Variants in KLHL1 observed in about 807,000 individuals in gnomAD.
The protein encoded by KLHL1 is kelch like family member 1, also known as kelch-like protein 1.
KLHL1 carries 47 observed loss-of-function variants against 77.7 expected under a neutral mutation model. The observed-to-expected ratio is 0.60, with a 90% CI of 0.48 to 0.77. The LOEUF is 0.77. Among genes scored for constraint, KLHL1 ranks in the 30% least tolerant of loss-of-function variants. The pLI, the probability that KLHL1 is intolerant of heterozygous loss-of-function variation, is 0.00. For missense variants in KLHL1, 925 were observed against 910.8 expected (o/e 1.02, Z -0.20); for synonymous variants, 360 against 325.2 (o/e 1.11, Z -1.15).
intron 1 of KLHL1, among the ~76,000 whole-genome samples, chr13:70,049,408 A>G (rs975779417): frequency 6.6e-6 from 1 of 152,186 alleles, no homozygotes; most frequent in Admixed American, 6.5e-5. Flanking sequence ...GAGATTTCAG[A>G]GTTCTTCTCA....
chr13:70,098,351 T>C (rs1887842899), intron 1 of KLHL1, among the ~76,000 whole-genome samples: 1 of 151,880 alleles, frequency 6.6e-6, no homozygotes, highest in African/African-American at 2.4e-5. Context: ...ATTCCATAAA[T>C]GTTCCCTGTG....
intron 10 of KLHL1, among the ~76,000 whole-genome samples, chr13:69,703,489 TAAAG>T (rs963921102): frequency 4.8e-4 from 72 of 151,462 alleles, no homozygotes; most frequent in African/African-American, 1.7e-3. Flanking sequence ...AATTTATTAT[TAAAG>T]AAAGAAAAAT....
At chr13:69,717,758 TAG>T (rs1566356435) in intron 9 of KLHL1, among the ~76,000 whole-genome samples, 1 of 151,618 alleles carries the variant, frequency 6.6e-6, no homozygotes, top group Admixed American at 6.6e-5. Flanking sequence ...GTCAGTCTAT[TAG>T]CAGCATTTTT....
chr13:69,747,775 T>G lies in KLHL1; in HGVS notation c.1640-7219A>C, dbSNP rs1210184073. On this transcript the variant is annotated intron_variant, in intron 7 of 10. Transcript: ENST00000377844. The stretch of plus-strand genomic sequence containing the variant: ...TAAGAACATTAGGAATTGAGAAGTC[T>G]TATATATTGCTGATGAATTGAAACT... Among the ~76,000 whole-genome samples the G allele has an allele frequency of 3.3e-5, 5 of 152,112 alleles. No homozygotes were observed. In the East Asian group the frequency reaches 9.7e-4, roughly 29 times the overall value.
At chr13:69,939,615 A>G (rs1210523556) in intron 4 of KLHL1, among the ~76,000 whole-genome samples, 2 of 152,008 alleles carry the variant, frequency 1.3e-5, no homozygotes, top group Middle Eastern at 3.4e-3. Context: ...ATATCTATCA[A>G]TATGTATATC....
At chr13:70,013,329 G>A (rs1305666705) in intron 1 of KLHL1, among the ~76,000 whole-genome samples, 2 of 152,106 alleles carry the variant, frequency 1.3e-5, no homozygotes, top group African/African-American at 4.8e-5. Context: ...AAATACCAAT[G>A]GTAATGATAT....
intron 4 of KLHL1, among the ~76,000 whole-genome samples, chr13:69,891,870 A>C (rs750240739): frequency 1.3e-5 from 2 of 152,134 alleles, no homozygotes; most frequent in South Asian, 4.1e-4. Context: ...ATGTAGGAGA[A>C]AGGAGCCTAT....
intron 8 of KLHL1, among the ~76,000 whole-genome samples, chr13:69,729,983 A>C (rs1405512688): frequency 6.6e-6 from 1 of 152,172 alleles, no homozygotes; most frequent in Non-Finnish European, 1.5e-5. Flanking sequence ...CAAAAAATAC[A>C]AGTACAGGAA....
intron 3 of KLHL1, among the ~76,000 whole-genome samples, chr13:69,955,635 T>G (rs1883842534): frequency 6.6e-6 from 1 of 151,040 alleles, no homozygotes; most frequent in Admixed American, 6.6e-5. Context: ...TAGTAGAGAC[T>G]ATGTAAGAGA....
chr13:69,926,099 C>A (rs572666336), intron 4 of KLHL1, among the ~76,000 whole-genome samples: 2 of 152,218 alleles, frequency 1.3e-5, no homozygotes, highest in Middle Eastern at 6.8e-3. Flanking sequence ...TCCCAATAAA[C>A]GTTTCTAGTT....
At chr13:69,746,415 T>C (rs569566652) in intron 7 of KLHL1, among the ~76,000 whole-genome samples, 1 of 151,994 alleles carries the variant, frequency 6.6e-6, no homozygotes, top group Non-Finnish European at 1.5e-5. Flanking sequence ...CTCTAAAGTC[T>C]AATTAATTTA....
chr13:69,795,780 T>C (rs1210016211), intron 7 of KLHL1, among the ~76,000 whole-genome samples: 2 of 152,178 alleles, frequency 1.3e-5, no homozygotes, highest in African/African-American at 4.8e-5. Context: ...TATAGTTCTC[T>C]CTAGTTCCTG....
intron 4 of KLHL1, among the ~76,000 whole-genome samples, chr13:69,887,012 GA>G (rs1172806158): frequency 1.3e-5 from 2 of 151,800 alleles, no homozygotes; most frequent in African/African-American, 2.4e-5. Flanking sequence ...CCAAGCACCT[GA>G]AAAAAAATGG....
At chr13:70,048,870 C>T (rs1274676195) in intron 1 of KLHL1, among the ~76,000 whole-genome samples, 1 of 152,254 alleles carries the variant, frequency 6.6e-6, no homozygotes, top group African/African-American at 2.4e-5. Context: ...GGGACCCCTG[C>T]TATAAACAAT....
At chr13:69,953,318 T>C (rs970773700) in intron 3 of KLHL1, among the ~76,000 whole-genome samples, 1 of 151,210 alleles carries the variant, frequency 6.6e-6, no homozygotes, top group Non-Finnish European at 1.5e-5. Flanking sequence ...GAAAAAAATA[T>C]ATGATGCCAG....
In KLHL1 at chr13:69,961,578, A is replaced by G; in HGVS notation, c.681-134T>C. Reference sequence around the variant, plus strand: ...AATGCATTTTATTTATTGCCTCATGAGTTGTACTTTACAAAACTGATTCAA... The same window carrying G: ...AATGCATTTTATTTATTGCCTCATGGGTTGTACTTTACAAAACTGATTCAA... On this transcript the variant is annotated intron_variant, in intron 2 of 10. Coordinates refer to ENST00000377844, the MANE Select transcript of KLHL1 (RefSeq NM_020866.3). 3.3e-6 allele frequency: 3 copies of G among 917,368 alleles called. No individual in the cohort carries two copies. The South Asian group carries it at 5.4e-5, about 17-fold the overall frequency. The allele number at this position is 917,368 out of a possible 1,614,324, so 56.8% of individuals were successfully genotyped here.
At chr13:69,900,775 C>G (rs1881826985) in intron 4 of KLHL1, among the ~76,000 whole-genome samples, 1 of 152,226 alleles carries the variant, frequency 6.6e-6, no homozygotes, top group South Asian at 2.1e-4. Flanking sequence ...ATTGACAGCT[C>G]TACATCACAG....
intron 2 of KLHL1, among the ~76,000 whole-genome samples, chr13:69,969,783 TAAC>T (rs1884324628): frequency 6.6e-6 from 1 of 152,154 alleles, no homozygotes; most frequent in Non-Finnish European, 1.5e-5. Context: ...ATTTAATGCA[TAAC>T]AGACATTAAT....
At chr13:69,727,455 A>T (rs1873351126) in intron 8 of KLHL1, among the ~76,000 whole-genome samples, 1 of 152,148 alleles carries the variant, frequency 6.6e-6, no homozygotes, top group Non-Finnish European at 1.5e-5. Flanking sequence ...GGCAGAAACG[A>T]GTAAGTGAAA....
Sources: allele counts gnomAD v4.1 joint callset (sites outside exome capture counted in the v4.1 genomes callset), GRCh38; gene constraint gnomAD v4.1.1; transcripts MANE v1.5; gene names NCBI Gene and HGNC (gene_info 2026-07-23, HGNC 2026-07-21).